PLSCR1: variants seen among roughly 807,000 people sequenced by gnomAD.
PLSCR1 encodes phospholipid scramblase 1, also known as PL scramblase 1.
A neutral mutation model predicts 37.8 loss-of-function variants in PLSCR1; 17 were observed. The ratio of observed to expected loss-of-function variants is 0.45; its 90% CI spans 0.31 to 0.68. The LOEUF (loss-of-function observed/expected upper bound fraction) is 0.68, where lower values mean the gene tolerates loss of function less well. Among genes scored for constraint, PLSCR1 ranks in the 30% least tolerant of loss-of-function variants. PLSCR1 has a pLI of 0.06. For missense variants in PLSCR1, 347 were observed against 380.9 expected (o/e 0.91, Z 0.74); for synonymous variants, 116 against 125.9 (o/e 0.92, Z 0.53).
intron 2 of PLSCR1, among the ~76,000 whole-genome samples, chr3:146,535,248 A>AACACACAC (rs140749399): frequency 3.2e-4 from 49 of 151,454 alleles, no homozygotes; most frequent in Non-Finnish European, 5.2e-4. Flanking sequence ...TATAACATAG[A>AACACACAC]ACACACACAC....
At chr3:146,538,873 C>T (rs1233088232) in intron 1 of PLSCR1, among the ~76,000 whole-genome samples, 1 of 152,032 alleles carries the variant, frequency 6.6e-6, no homozygotes, top group Non-Finnish European at 1.5e-5. Context: ...AAGTCCCATG[C>T]AAGCCAGAAA....
At chr3:146,527,891 T>C (rs2044140376) in intron 4 of PLSCR1, 4 of 152,118 alleles carry the variant, frequency 2.6e-5, no homozygotes, top group Admixed American at 2.6e-4. Flanking sequence ...ACCAATTAAA[T>C]GTTAAACCTC....
intron 2 of PLSCR1, among the ~76,000 whole-genome samples, chr3:146,536,106 T>G (rs1033020605): frequency 2.6e-5 from 4 of 152,152 alleles, no homozygotes; most frequent in African/African-American, 9.7e-5. Context: ...GACTGGTATT[T>G]ACTTAAAATA....
chr3:146,539,393 C>G (rs1315353233), intron 1 of PLSCR1, among the ~76,000 whole-genome samples: 1 of 152,184 alleles, frequency 6.6e-6, no homozygotes, highest in Non-Finnish European at 1.5e-5. Flanking sequence ...CTGCTCAGCT[C>G]CTGCTGTACA....
intron 3 of PLSCR1, among the ~76,000 whole-genome samples, chr3:146,532,523 A>G (rs1254799061): frequency 1.3e-5 from 2 of 152,220 alleles, no homozygotes; most frequent in Non-Finnish European, 2.9e-5. Flanking sequence ...GAGCTTATCT[A>G]GCTCATATTC....
chr3:146,519,282 A>AAAC (rs2043986685), intron 7 of PLSCR1, among the ~76,000 whole-genome samples: 1 of 152,138 alleles, frequency 6.6e-6, no homozygotes, highest in Non-Finnish European at 1.5e-5. Flanking sequence ...AATACTAATG[A>AAAC]AAATCTAGTT....
chr3:146,543,475 A>G (rs2044363652), intron 1 of PLSCR1, among the ~76,000 whole-genome samples: 1 of 152,222 alleles, frequency 6.6e-6, no homozygotes, highest in African/African-American at 2.4e-5. Context: ...AAAAAGTTCA[A>G]GAAGGGAGCC....
chr3:146,539,189 C>T (rs138465180), intron 1 of PLSCR1, among the ~76,000 whole-genome samples: 14 of 152,260 alleles, frequency 9.2e-5, no homozygotes, highest in Non-Finnish European at 1.8e-4. Context: ...AGACAGTGAC[C>T]GATCATCAGG....
Position 146,515,928 on chromosome 3 carries a change from G to A in PLSCR1, c.*117C>T. On this transcript the variant is annotated 3_prime_UTR_variant, in exon 9 of 9. Transcript: ENST00000342435. The stretch of plus-strand genomic sequence containing the variant: ...CAGAAGATAAACTATAATTTGAAAA[G>A]CAAAAGTATACAACCAGAGCTACAG... 6 of 604,866 alleles carry A rather than the reference G, an allele frequency of 9.9e-6. No individual in the cohort carries two copies. Among genetic ancestry groups the A allele is most frequent in the Middle Eastern group, 2.6e-4 (1 of 3,846 alleles). The allele number at this position is 604,866 out of a possible 1,614,324, so 37.5% of individuals were successfully genotyped here. A position where few individuals can be genotyped will look rare whatever the true frequency, so the allele number is the denominator to read the frequency against.
At chr3:146,535,069 T>TA (rs2044248446) in intron 2 of PLSCR1, among the ~76,000 whole-genome samples, 1 of 152,148 alleles carries the variant, frequency 6.6e-6, no homozygotes, top group South Asian at 2.1e-4. Context: ...CCTAGTTCTC[T>TA]AGCTAATAAG....
In PLSCR1 at chr3:146,523,585, G is replaced by A. The variant is rs370146034; in HGVS notation, c.356-1532C>T. 1.7e-4 allele frequency among the ~76,000 whole-genome samples: 26 copies of A among 152,308 alleles called. 1 individual carries two copies. The East Asian group carries it at 2.1e-3, about 12-fold the overall frequency. On this transcript the variant is annotated intron_variant, in intron 5 of 8. Transcript: ENST00000342435. ...GAATTAGAATGTCACATTGGACCCA[G>A]GGCATCCTTATTCAACTCAACAGTA... is the stretch of plus-strand genomic sequence containing the variant.
At position 146,529,776 on chromosome 3, in the gene PLSCR1, G is replaced by A. The variant is rs2044171116; in HGVS notation, c.95-945C>T. 1.3e-5 allele frequency among the ~76,000 whole-genome samples: 2 copies of A among 152,144 alleles called. 1 individual carries two copies. Among genetic ancestry groups the A allele is most frequent in the South Asian group, 4.1e-4 (2 of 4,828 alleles). ...GATCTGCCCACCTCAGCTTCCCAAA[G>A]TGCTGGGATTACAGGCGTGAGCCAC... On this transcript the variant is annotated intron_variant, in intron 3 of 8. Coordinates refer to ENST00000342435, the MANE Select transcript of PLSCR1 (RefSeq NM_021105.3).
rs113104558 is a variant in PLSCR1, at chr3:146,532,360, G to A, written c.94+1110C>T. ...CTGGCTTCACCTTAGAATCACTTGG[G>A]GTGTTAAAAGATTACTATTCCTTGA... On this transcript the variant is annotated intron_variant, in intron 3 of 8. Coordinates refer to ENST00000342435, the MANE Select transcript of PLSCR1 (RefSeq NM_021105.3). Among the ~76,000 whole-genome samples the A allele has an allele frequency of 6.1e-3, 933 of 152,204 alleles. 12 individuals carry two copies. The highest frequency in any genetic ancestry group is 0.021 in the African/African-American group (867 of 41,540).
intron 3 of PLSCR1, among the ~76,000 whole-genome samples, chr3:146,529,618 T>C (rs566565397): frequency 6.6e-6 from 1 of 151,960 alleles, no homozygotes; most frequent in East Asian, 1.9e-4. Context: ...GTTCACACCA[T>C]TCTCCTGCCT....
intron 2 of PLSCR1, among the ~76,000 whole-genome samples, chr3:146,536,279 A>G (rs2044263320): frequency 6.6e-6 from 1 of 152,230 alleles, no homozygotes; most frequent in Non-Finnish European, 1.5e-5. Flanking sequence ...TATGTTACAG[A>G]ACATATTTCC....
rs112937147 is a variant in PLSCR1, at chr3:146,526,468, A to T, written c.313-821T>A. On this transcript the variant is annotated intron_variant, in intron 4 of 8. Transcript: ENST00000342435. ...GCGGTTCCTCAAAAATTAAAATTACAGCCACCATATGATTCAGCAATCCCA... is the reference window on the plus strand; with the variant it reads ...GCGGTTCCTCAAAAATTAAAATTACTGCCACCATATGATTCAGCAATCCCA... Among the ~76,000 whole-genome samples the T allele has an allele frequency of 7.3e-3, 1,117 of 152,304 alleles. 20 individuals carry two copies. Among genetic ancestry groups the T allele is most frequent in the African/African-American group, 0.025 (1,034 of 41,562 alleles).
At chr3:146,517,337 G>A (rs1428296385) in intron 7 of PLSCR1, 170 bp from the exon 8 acceptor site, 1 of 352,992 alleles carries the variant, frequency 2.8e-6, no homozygotes, top group East Asian at 4.2e-5. Flanking sequence ...GAAAAAAACT[G>A]TTTCATTGTA....
intron 4 of PLSCR1, among the ~76,000 whole-genome samples, chr3:146,527,006 C>A (rs1189551940): frequency 2.6e-5 from 4 of 152,050 alleles, no homozygotes; most frequent in African/African-American, 9.7e-5. Context: ...GGTGTGGTGG[C>A]AGGAGCCTGT....
chr3:146,524,558 C>CA (rs544285422), intron 5 of PLSCR1, among the ~76,000 whole-genome samples: 2 of 151,360 alleles, frequency 1.3e-5, no homozygotes, highest in Non-Finnish European at 2.9e-5. Flanking sequence ...TATAAATCTA[C>CA]AAAAAAAGAT....
Sources: gnomAD v4.1 joint callset for allele counts (sites outside exome capture counted in the v4.1 genomes callset) on GRCh38, gnomAD v4.1.1 for gene constraint, MANE v1.5 for transcripts, NCBI Gene and HGNC (gene_info 2026-07-23, HGNC 2026-07-21) for gene names.